The following PTPRN variants were observed in gnomAD, a reference collection of about 807,000 sequenced individuals.
PTPRN encodes receptor-type tyrosine-protein phosphatase-like N.
PTPRN carries 70 observed loss-of-function variants against 108.5 expected under a neutral mutation model. The observed-to-expected ratio is 0.65, with a 90% CI of 0.53 to 0.79. The LOEUF (loss-of-function observed/expected upper bound fraction) is 0.79. Among genes scored for constraint, PTPRN ranks in the 30% least tolerant of loss-of-function variants. PTPRN has a pLI of 0.00. For synonymous variants in PTPRN, 496 were observed against 524.6 expected (o/e 0.95, Z 0.75); for missense variants, 1,136 against 1,295.5 (o/e 0.88, Z 1.89).
rs1574923390 is a variant in PTPRN at position 219,300,189 on chromosome 2, T to A, written c.1232A>T (p.His411Leu). The change falls in exon 9 of 23, where the codon CAC becomes CTC. Residue 411 changes from histidine to leucine, a missense_variant. His to Leu is a moderately conservative substitution (Grantham distance 99). Coordinates refer to ENST00000295718, the MANE Select transcript of PTPRN (RefSeq NM_002846.4). ...ACTGGAGGTAGGGCTGGCAGTGGGG[T>A]GTCCAGGCATGGGGGATGTGCGGGC... is the stretch of plus-strand genomic sequence containing the variant. ...LPARTSPMPGHPTASPTSSEV... is the reference protein window; with the variant it reads ...LPARTSPMPGLPTASPTSSEV... 5.0e-6 allele frequency: 8 copies of A among 1,611,310 alleles called. No homozygotes were observed. Among genetic ancestry groups the A allele is most frequent in the Non-Finnish European group, 6.8e-6 (8 of 1,178,332 alleles).
intron 4 of PTPRN, among the ~76,000 whole-genome samples, chr2:219,303,499 A>G (rs1171531639): frequency 2.6e-5 from 4 of 152,232 alleles, no homozygotes; most frequent in African/African-American, 7.2e-5. Flanking sequence ...AAAGTAGCCA[A>G]TGTCAATGTT....
At chr2:219,307,762 T>C (rs1952520737) in intron 2 of PTPRN, 30 bp downstream of exon 2, 1 of 1,611,194 alleles carries the variant, frequency 6.2e-7, no homozygotes, top group African/African-American at 1.3e-5. Flanking sequence ...CCCCCCGATC[T>C]TGTGAGTTCT....
intron 11 of PTPRN, 56 bp downstream of exon 11, chr2:219,299,249 C>G: frequency 6.2e-7 from 1 of 1,603,796 alleles, no homozygotes; most frequent in Non-Finnish European, 8.5e-7. Context: ...CTGGATATAT[C>G]CTCTTAGGAG....
At position 219,303,755 on chromosome 2, in the gene PTPRN, T is replaced by C; in HGVS notation, c.357A>G (p.Pro119=). Residue 119 remains proline, a synonymous_variant, in exon 4 of 23, where the codon CCA becomes CCG. Transcript: ENST00000295718. Reference sequence around the variant, plus strand: ...CCTACCTGTCCCTTGGACGGGGCTCTGGGGGGCGAAGCCTGGGGATGCGCT... The same window carrying C: ...CCTACCTGTCCCTTGGACGGGGCTCCGGGGGGCGAAGCCTGGGGATGCGCT... ...EMERIPRLRP[P]EPRPRDRSGL... is the part of the protein sequence containing the mutation. 6.2e-7 allele frequency: 1 copy of C among 1,614,032 alleles called. No individual in the cohort carries two copies. Among genetic ancestry groups the C allele is most frequent in the Non-Finnish European group, 8.5e-7 (1 of 1,179,942 alleles).
At position 219,303,749 on chromosome 2, in the gene PTPRN, G is replaced by A; in HGVS notation, c.363C>T (p.Pro121=). Residue 121 remains proline, a synonymous_variant, in exon 4 of 23, where the codon CCC becomes CCT. Transcript: ENST00000295718. ...ERIPRLRPPE[P]RPRDRSGLAP... ...AGGCTGCCTACCTGTCCCTTGGACGGGGCTCTGGGGGGCGAAGCCTGGGGA... is the reference window on the plus strand; with the variant it reads ...AGGCTGCCTACCTGTCCCTTGGACGAGGCTCTGGGGGGCGAAGCCTGGGGA... 1 of 1,613,980 alleles carries A rather than the reference G, an allele frequency of 6.2e-7. No homozygotes were observed. Among genetic ancestry groups the A allele is most frequent in the Non-Finnish European group, 8.5e-7 (1 of 1,179,900 alleles).
At chr2:219,299,833 A>T (rs768707985) in intron 9 of PTPRN, 47 bp from the exon 10 acceptor site, 92 of 1,563,892 alleles carry the variant, frequency 5.9e-5, no homozygotes, top group Non-Finnish European at 5.3e-5. Flanking sequence ...CAACCCTCTC[A>T]GTCACTTTCT....
Position 219,299,742 on chromosome 2 carries a change from G to C in PTPRN, c.1481C>G (p.Ala494Gly). ...AAGVKLLEILAEHVHMSSGSF... is the reference protein window; with the variant it reads ...AAGVKLLEILGEHVHMSSGSF... ...GCCTGAGGACATGTGCACATGCTCA[G>C]CCAGGATCTCCAGCAGCTTCACTCC... Residue 494 changes from alanine to glycine, a missense_variant, in exon 10 of 23, where the codon GCT becomes GGT. Ala to Gly is a moderately conservative substitution (Grantham distance 60, BLOSUM62 0). Transcript: ENST00000295718. 2 of 1,610,230 alleles carry C rather than the reference G, an allele frequency of 1.2e-6. No homozygotes were observed. The highest frequency in any genetic ancestry group is 1.7e-6 in the Non-Finnish European group (2 of 1,176,960).
At position 219,297,026 on chromosome 2, in the gene PTPRN, T is replaced by A; in HGVS notation, c.2195A>T (p.Glu732Val). 6.2e-7 allele frequency: 1 copy of A among 1,613,596 alleles called. No individual in the cohort carries two copies. Among genetic ancestry groups the A allele is most frequent in the East Asian group, 2.2e-5 (1 of 44,846 alleles). ...ATGCCGGTTCTTTTTGATGTTGCCC[T>A]CCCCCTGCGCGGTGGCACAGGTGTT... ...EPNTCATAQG[E>V]GNIKKNRHPD... The change falls in exon 15 of 23, where the codon GAG (glutamate) becomes GTG (valine). Residue 732 changes from glutamate to valine, a missense_variant. Coordinates refer to ENST00000295718, the MANE Select transcript of PTPRN (RefSeq NM_002846.4). The surrounding 1 kb of genome is among the most constrained non-coding windows in gnomAD (Gnocchi z 6.0).
At chr2:219,295,254 C>T (rs973446023) in intron 18 of PTPRN, 113 bp from the exon 19 acceptor site, 4 of 1,221,728 alleles carry the variant, frequency 3.3e-6, no homozygotes, top group Non-Finnish European at 4.6e-6. Context: ...CCTCCCAGGC[C>T]GGTTCAAATT....
In PTPRN at chr2:219,298,114, A is replaced by C; in HGVS notation, c.1669-11T>G. ...AGCTGCCTCCTCCCTCTGTGGGAAC[A>C]AGGCTAGAATCAAGGGAGGCAGTGG... On this transcript the variant is annotated splice_polypyrimidine_tract_variant and intron_variant, in intron 12 of 22. Transcript: ENST00000295718. 2 of 1,609,894 alleles carry C rather than the reference A, an allele frequency of 1.2e-6. No individual in the cohort carries two copies. Among genetic ancestry groups the C allele is most frequent in the Non-Finnish European group, 8.5e-7 (1 of 1,179,440 alleles).
chr2:219,308,392 G>C (rs1261454717), intron 1 of PTPRN: 1 of 172,058 alleles, frequency 5.8e-6, no homozygotes, highest in African/African-American at 2.4e-5. Context: ...TACCAGAGAG[G>C]AAGGGGTCAC....
chr2:219,299,993 A>T lies in PTPRN; in HGVS notation c.1428T>A (p.Thr476=), dbSNP rs1290402970. The change falls in exon 9 of 23, where the codon ACT becomes ACA. Residue 476 remains threonine (T), a synonymous_variant. Transcript: ENST00000295718. ...PAAEEYGYIV[T]DQKPLSLAAG... ...CAGGATGCAGCCCTTACTTCTGATC[A>T]GTGACGATGTAGCCATATTCCTCTG... 1 of 1,614,214 alleles carries T rather than the reference A, an allele frequency of 6.2e-7. No homozygotes were observed. The highest frequency in any genetic ancestry group is 8.5e-7 in the Non-Finnish European group (1 of 1,180,034).
Position 219,290,467 on chromosome 2 carries a change from C to T in PTPRN, c.2868+71G>A. 2 of 1,475,472 alleles carry T rather than the reference C, an allele frequency of 1.4e-6. No homozygotes were observed. The highest frequency in any genetic ancestry group is 1.9e-6 in the Non-Finnish European group (2 of 1,080,164). The allele number at this position is 1,475,472 out of a possible 1,614,324, so 91.4% of individuals were successfully genotyped here. On this transcript the variant is annotated intron_variant, in intron 22 of 22. Coordinates refer to ENST00000295718, the MANE Select transcript of PTPRN (RefSeq NM_002846.4). This position sits in a 1 kb window ranked among gnomAD's most constrained non-coding sequence, Gnocchi z 4.2. ...GGGAAAGGTTGGCAGCTGCTGCTTT[C>T]CCTGGGGTGGCCAAGAAGTGGGTGC...
At chr2:219,304,130 C>G (rs556511546) in intron 3 of PTPRN, 126 of 239,652 alleles carry the variant, frequency 5.3e-4, no homozygotes, top group Admixed American at 1.8e-3. Context: ...TTTATACCTC[C>G]TAGGATTGTT....
rs776089413 is a variant in PTPRN at position 219,309,289 on chromosome 2, C to T, written c.44G>A (p.Gly15Asp). The change falls in exon 1 of 23, where the codon GGT becomes GAT. Residue 15 changes from glycine (G) to aspartate (D), a missense_variant. Coordinates refer to ENST00000295718, the MANE Select transcript of PTPRN (RefSeq NM_002846.4). The part of the protein sequence containing the change: ...RRPGGLGGSG[G>D]LRLLLCLLLL... ...CAGGAGGCAGAGGAGCAGCCGGAGA[C>T]CCCCGGATCCCCCGAGACCCCCAGG... The T allele has an allele frequency of 2.0e-6, 3 of 1,525,582 alleles. No homozygotes were observed. The highest frequency in any genetic ancestry group is 2.5e-5 in the East Asian group (1 of 40,082). The allele number at this position is 1,525,582 out of a possible 1,614,324, so 94.5% of individuals were successfully genotyped here. A position where few individuals can be genotyped will look rare whatever the true frequency, so the allele number is the denominator to read the frequency against.
chr2:219,305,663 A>G (rs1952465657), intron 3 of PTPRN, among the ~76,000 whole-genome samples: 1 of 152,212 alleles, frequency 6.6e-6, no homozygotes, highest in African/African-American at 2.4e-5. Context: ...AAAGAATTCC[A>G]AATTTATATC....
Position 219,296,502 on chromosome 2 carries a change from A to G in PTPRN, c.2325T>C (p.Pro775=), listed in dbSNP as rs1559296575. Residue 775 remains proline, a synonymous_variant, in exon 17 of 23, where the codon CCT becomes CCC. Coordinates refer to ENST00000295718, the MANE Select transcript of PTPRN (RefSeq NM_002846.4). The surrounding 1 kb of genome is among the most constrained non-coding windows in gnomAD (Gnocchi z 6.0). ...GCGTGGCTATGTAGGCTGGCATCCG[A>G]GGGTCATGCTCAATCTGGAGGCAGG... ...INASPIIEHD[P]RMPAYIATQG... is the part of the protein sequence containing the mutation. The G allele has an allele frequency of 3.7e-6, 6 of 1,614,044 alleles. No individual in the cohort carries two copies. Among genetic ancestry groups the G allele is most frequent in the African/African-American group, 1.3e-5 (1 of 75,020 alleles).
Position 219,301,579 on chromosome 2 carries a change from G to T in PTPRN, c.1126+9C>A. The T allele has an allele frequency of 6.2e-7, 1 of 1,602,612 alleles. No individual in the cohort carries two copies. The highest frequency in any genetic ancestry group is 1.1e-5 in the South Asian group (1 of 90,742). On this transcript the variant is annotated intron_variant, in intron 7 of 22. Coordinates refer to ENST00000295718, the MANE Select transcript of PTPRN (RefSeq NM_002846.4). Reference sequence around the variant, plus strand: ...AGATATTGGTCCCTCCCTCTGCCTGGACACTTACCCGGATTTCTTCCTGCA... The same window carrying T: ...AGATATTGGTCCCTCCCTCTGCCTGTACACTTACCCGGATTTCTTCCTGCA...
chr2:219,293,555 T>TA lies in PTPRN; in HGVS notation c.2675+1419dup, dbSNP rs991701152. ...CAACTGAGTTTACATAATTCCAGCC[T>TA]AAAGCAATCTTTTAGCTTATCTGTG... On this transcript the variant is annotated intron_variant, in intron 19 of 22. Coordinates refer to ENST00000295718, the MANE Select transcript of PTPRN (RefSeq NM_002846.4). 1.2e-3 allele frequency among the ~76,000 whole-genome samples: 188 copies of TA among 152,326 alleles called. 3 individuals carry two copies. The highest frequency in any genetic ancestry group is 3.8e-3 in the African/African-American group (159 of 41,570).
Sources: allele counts gnomAD v4.1 joint callset (sites outside exome capture counted in the v4.1 genomes callset), GRCh38; gene constraint gnomAD v4.1.1; non-coding constraint Gnocchi (gnomAD v3.1); transcripts MANE v1.5; gene names NCBI Gene and HGNC (gene_info 2026-07-23, HGNC 2026-07-21).